The following RARB variants were observed in gnomAD, a reference collection of about 807,000 sequenced individuals.
RARB encodes retinoic acid receptor beta.
Under a neutral mutation model 51.9 loss-of-function variants are expected in RARB, and 17 were observed. That is an observed-to-expected ratio of 0.33 (90% CI 0.22 to 0.49). The LOEUF is 0.49. Ranked by LOEUF, RARB falls within the 20% of genes least tolerant of loss-of-function variation. The pLI, the probability that RARB is intolerant of heterozygous loss-of-function variation, is 0.99. For missense variants in RARB, 369 were observed against 550.8 expected, an observed-to-expected ratio of 0.67 and a Z score of 3.30; for synonymous variants, 215 against 195.4, an observed-to-expected ratio of 1.10 and a Z score of -0.84.
intron 3 of RARB, among the ~76,000 whole-genome samples, chr3:25,102,842 G>A (rs992316360): frequency 6.6e-5 from 10 of 151,844 alleles, no homozygotes; most frequent in South Asian, 4.2e-4. Flanking sequence ...ACCTGAGGTC[G>A]GGAGTTTGAG....
In RARB at chr3:25,337,877, T is replaced by C. The variant is rs147371972; in HGVS notation, c.179-123316T>C. ...AGAAGAGTAGGTGATTTAGAGTGGA[T>C]ACTCAATAAATATTTGTTGGATTAA... On this transcript the variant is annotated intron_variant, in intron 5 of 11. Transcript: ENST00000383772. Among the ~76,000 whole-genome samples, 870 of 152,296 alleles carry C rather than the reference T, an allele frequency of 5.7e-3. 7 individuals are homozygous for C. The highest frequency in any genetic ancestry group is 0.02 in the African/African-American group (834 of 41,550).
chr3:25,389,561 G>A (rs776829693), intron 5 of RARB, among the ~76,000 whole-genome samples: 1 of 152,150 alleles, frequency 6.6e-6, no homozygotes, highest in Non-Finnish European at 1.5e-5. Flanking sequence ...TTGGCACATA[G>A]GAAGTTATCA....
chr3:25,377,366 C>T (rs1238700457), intron 5 of RARB, among the ~76,000 whole-genome samples: 1 of 152,152 alleles, frequency 6.6e-6, no homozygotes, highest in South Asian at 2.1e-4. Context: ...GAGGAAGAAA[C>T]GTGCAGATAG....
chr3:25,506,176 T>C lies in RARB; in HGVS notation c.448+4853T>C, dbSNP rs142686252. Among the ~76,000 whole-genome samples, 715 of 148,142 alleles carry C rather than the reference T, an allele frequency of 4.8e-3. 3 individuals are homozygous for C. Among genetic ancestry groups the C allele is most frequent in the African/African-American group, 0.017 (678 of 39,914 alleles). ...GCCAAGGCAGGAGAATCGCTTGAAC[T>C]TGGGAGGCGGAGGTTGCAATAAGCC... is the stretch of plus-strand genomic sequence containing the variant. On this transcript the variant is annotated intron_variant, in intron 3 of 7. Coordinates refer to ENST00000330688, the MANE Select transcript of RARB (RefSeq NM_000965.5).
At chr3:24,941,061 A>C (rs1695655885) in intron 2 of RARB, among the ~76,000 whole-genome samples, 1 of 152,066 alleles carries the variant, frequency 6.6e-6, no homozygotes, top group Non-Finnish European at 1.5e-5. Flanking sequence ...ATTAACTTGT[A>C]GGGGGAAATT....
rs971446020 is a variant in RARB, at chr3:25,090,201, T to C, written c.-328+30025T>C. Among the ~76,000 whole-genome samples the C allele has an allele frequency of 4.6e-5, 7 of 152,210 alleles. No individual in the cohort carries two copies. The East Asian group carries it at 1.4e-3, about 29-fold the overall frequency. On this transcript the variant is annotated intron_variant, in intron 3 of 11. Coordinates refer to the RARB transcript ENST00000383772. ...TACCTCTTGGCACCTTTGCATATCATCAAAAAGAACTTCATTCAAAATAAA... is the reference window on the plus strand; with the variant it reads ...TACCTCTTGGCACCTTTGCATATCACCAAAAAGAACTTCATTCAAAATAAA...
At chr3:25,507,925 T>TGGAA (rs1232091011) in intron 3 of RARB, among the ~76,000 whole-genome samples, 2 of 152,090 alleles carry the variant, frequency 1.3e-5, no homozygotes, top group Admixed American at 1.3e-4. Context: ...AGAAACACCA[T>TGGAA]GGAAGGTACT....
intron 5 of RARB, among the ~76,000 whole-genome samples, chr3:25,218,394 G>T (rs1343081941): frequency 1.3e-5 from 2 of 152,078 alleles, no homozygotes; most frequent in African/African-American, 4.8e-5. Context: ...AATACCCAGG[G>T]TGCTGCTGTA....
chr3:25,290,357 C>T (rs1485050722), intron 5 of RARB, among the ~76,000 whole-genome samples: 1 of 152,136 alleles, frequency 6.6e-6, no homozygotes, highest in Non-Finnish European at 1.5e-5. Context: ...AGAACTGACC[C>T]TACCACCCCC....
At chr3:25,116,539 C>G (rs1699691180) in intron 3 of RARB, among the ~76,000 whole-genome samples, 1 of 152,060 alleles carries the variant, frequency 6.6e-6, no homozygotes, top group Non-Finnish European at 1.5e-5. Context: ...GTCTATGATG[C>G]TGTCTTTTTT....
In RARB at chr3:25,596,968, G is replaced by A. The variant is rs960489861; in HGVS notation, c.*352G>A. ...TTTGTACATACAGAAGTATGGCTCT[G>A]TTCTTTCTATACTGTATGTTTGGTG... On this transcript the variant is annotated 3_prime_UTR_variant, in exon 8 of 8. Transcript: ENST00000330688. 1.1e-5 allele frequency: 2 copies of A among 183,026 alleles called. No homozygotes were observed. The highest frequency in any genetic ancestry group is 2.3e-5 in the Non-Finnish European group (2 of 86,986). 11.3% of individuals were successfully genotyped at this position (183,026 alleles called of 1,614,324 possible).
intron 3 of RARB, among the ~76,000 whole-genome samples, chr3:25,098,590 T>C (rs1421004451): frequency 1.3e-5 from 2 of 152,228 alleles, no homozygotes; most frequent in Non-Finnish European, 2.9e-5. Context: ...GTGGGTCAAG[T>C]CCAGTCTGCC....
At chr3:25,415,905 A>T (rs1352375186) in intron 5 of RARB, among the ~76,000 whole-genome samples, 2 of 152,212 alleles carry the variant, frequency 1.3e-5, no homozygotes, top group Non-Finnish European at 2.9e-5. Context: ...TGAAGAGACT[A>T]CTTTTTTTAT....
At chr3:25,465,065 A>T (rs1323528038) in intron 2 of RARB, among the ~76,000 whole-genome samples, 1 of 152,170 alleles carries the variant, frequency 6.6e-6, no homozygotes, top group East Asian at 1.9e-4. Flanking sequence ...TTTCCTTAGG[A>T]TAAATCAGTA....
At chr3:24,960,714 AAAGG>A (rs1409807880) in intron 2 of RARB, among the ~76,000 whole-genome samples, 1 of 152,206 alleles carries the variant, frequency 6.6e-6, no homozygotes, top group East Asian at 1.9e-4. Flanking sequence ...TACGTTGTGT[AAAGG>A]AAGAGAAAAT....
intron 2 of RARB, among the ~76,000 whole-genome samples, chr3:25,033,378 G>A (rs1054156469): frequency 2.0e-5 from 3 of 152,192 alleles, no homozygotes; most frequent in Non-Finnish European, 4.4e-5. Context: ...AGTCATGGGA[G>A]AAGCTGGGAA....
intron 2 of RARB, among the ~76,000 whole-genome samples, chr3:24,879,201 C>A (rs770450774): frequency 6.7e-6 from 1 of 150,362 alleles, no homozygotes; most frequent in East Asian, 2.0e-4. Flanking sequence ...AGGCCGCGGC[C>A]GGCGGATCAC....
intron 2 of RARB, among the ~76,000 whole-genome samples, chr3:24,865,239 G>C (rs1210782194): frequency 2.6e-5 from 4 of 152,120 alleles, no homozygotes; most frequent in African/African-American, 9.7e-5. Flanking sequence ...GACTTCCTGT[G>C]TATACGGAAA....
At position 25,482,521 on chromosome 3, in the gene RARB, A is replaced by ATTTTTTTTT. The variant is rs71087718; in HGVS notation, c.307-18633_307-18625dup. ...TAACTTTAAATTTTCTAGCAGCCAA[A>ATTTTTTTTT]TTTTTTTTTTTTTTTTTTTTTTTTT... On this transcript the variant is annotated intron_variant, in intron 2 of 7. Transcript: ENST00000330688. Among the ~76,000 whole-genome samples the ATTTTTTTTT allele has an allele frequency of 9.0e-4, 59 of 65,786 alleles. 13 individuals are homozygous for ATTTTTTTTT. The highest frequency in any genetic ancestry group is 4.1e-3 in the African/African-American group (58 of 14,280). 43.2% of individuals were successfully genotyped at this position (65,786 alleles called of 152,430 possible).
Sources: allele counts gnomAD v4.1 joint callset (sites outside exome capture counted in the v4.1 genomes callset), GRCh38; gene constraint gnomAD v4.1.1; transcripts MANE v1.5; gene names NCBI Gene and HGNC (gene_info 2026-07-23, HGNC 2026-07-21).